Variants in RELN observed in about 807,000 individuals in gnomAD.
RELN encodes reelin.
RELN carries 108 observed loss-of-function variants against 427.6 expected under a neutral mutation model. The ratio of observed to expected loss-of-function variants is 0.25; its 90% CI spans 0.22 to 0.30. The LOEUF (loss-of-function observed/expected upper bound fraction) is 0.30, where lower values mean the gene tolerates loss of function less well. Among genes scored for constraint, RELN ranks in the 10% least tolerant of loss-of-function variants. RELN has a pLI of 1.00. For synonymous variants in RELN, 1,524 were observed against 1,513.4 expected (o/e 1.01, Z -0.16); for missense variants, 3,715 against 4,302.8 (o/e 0.86, Z 3.82).
chr7:103,907,480 T>C (rs1795239471), intron 2 of RELN, among the ~76,000 whole-genome samples: 2 of 142,522 alleles, frequency 1.4e-5, no homozygotes, highest in East Asian at 4.1e-4. Flanking sequence ...ATGGTTCCAC[T>C]TAAATGAAAT....
At chr7:103,627,168 A>G (rs951521698) in intron 20 of RELN, among the ~76,000 whole-genome samples, 1 of 152,094 alleles carries the variant, frequency 6.6e-6, no homozygotes, top group African/African-American at 2.4e-5. Flanking sequence ...GTAAGACCAC[A>G]TATATATTTC....
At chr7:103,516,331 G>A (rs902587020) in intron 49 of RELN, among the ~76,000 whole-genome samples, 2 of 145,006 alleles carry the variant, frequency 1.4e-5, no homozygotes, top group Admixed American at 7.0e-5. Context: ...TGTTGCCCAC[G>A]CTGGAGTACA....
chr7:103,913,976 T>C (rs928999641), intron 2 of RELN, among the ~76,000 whole-genome samples: 1 of 152,208 alleles, frequency 6.6e-6, no homozygotes, highest in Non-Finnish European at 1.5e-5. Context: ...AAGTCGCTGA[T>C]GGGCTCTGCC....
intron 46 of RELN, among the ~76,000 whole-genome samples, chr7:103,525,871 G>A (rs1248507165): frequency 7.2e-5 from 11 of 152,116 alleles, no homozygotes; most frequent in Non-Finnish European, 4.4e-5. Context: ...TGTATTAAAA[G>A]TGCCTATTCA....
intron 20 of RELN, among the ~76,000 whole-genome samples, chr7:103,613,393 A>G (rs1832007518): frequency 1.3e-5 from 2 of 152,208 alleles, no homozygotes; most frequent in African/African-American, 4.8e-5. Context: ...AAAATATAAA[A>G]CCATGATTGC....
rs574280929 is a variant in RELN at position 103,665,709 on chromosome 7, A to T, written c.1290-4182T>A. ...GGTATAGGTTTATTTTATTTATTCT[A>T]TGGAAACTTGGTGTACCTTGTCAGT... On this transcript the variant is annotated intron_variant, in intron 11 of 64. Transcript: ENST00000428762. 9.2e-5 allele frequency among the ~76,000 whole-genome samples: 14 copies of T among 152,174 alleles called. No individual in the cohort carries two copies. The East Asian group carries it at 2.7e-3, about 29-fold the overall frequency.
intron 1 of RELN, among the ~76,000 whole-genome samples, chr7:103,973,898 T>C (rs1584412859): frequency 6.6e-6 from 1 of 152,286 alleles, no homozygotes; most frequent in East Asian, 1.9e-4. Context: ...ATCCCAGCAC[T>C]TTGGGACGCC....
At chr7:103,926,373 C>T (rs1048838484) in intron 1 of RELN, among the ~76,000 whole-genome samples, 8 of 152,002 alleles carry the variant, frequency 5.3e-5, no homozygotes, top group African/African-American at 1.5e-4. Context: ...CGATTACAGG[C>T]GTGAGCCACT....
At chr7:103,934,956 A>G (rs1006739079) in intron 1 of RELN, among the ~76,000 whole-genome samples, 4 of 152,202 alleles carry the variant, frequency 2.6e-5, no homozygotes, top group Non-Finnish European at 5.9e-5. Context: ...GTTTAAATAG[A>G]ACAACTAGCA....
At chr7:103,736,923 G>A (rs904238292) in intron 6 of RELN, among the ~76,000 whole-genome samples, 1 of 152,060 alleles carries the variant, frequency 6.6e-6, no homozygotes, top group Non-Finnish European at 1.5e-5. Flanking sequence ...GGGGAATGAG[G>A]GGGAGGAAGC....
At chr7:103,585,706 T>A (rs1359949380) in intron 28 of RELN, among the ~76,000 whole-genome samples, 2 of 152,016 alleles carry the variant, frequency 1.3e-5, no homozygotes, top group African/African-American at 4.8e-5. Flanking sequence ...CCTAACTCAA[T>A]CTATAAAACC....
intron 41 of RELN, among the ~76,000 whole-genome samples, chr7:103,547,312 T>A (rs1830318700): frequency 6.6e-6 from 1 of 152,204 alleles, no homozygotes; most frequent in African/African-American, 2.4e-5. Flanking sequence ...AACCCTAATT[T>A]CATTGTTCCA....
chr7:103,521,040 A>C (rs10249128), intron 48 of RELN, among the ~76,000 whole-genome samples: 38,606 of 140,062 alleles, frequency 0.28, 6,231 homozygotes, highest in African/African-American at 0.47. Context: ...GCAGTGGCGC[A>C]ATCTCGGCTC....
chr7:103,509,737 C>A (rs1829336703), intron 51 of RELN, among the ~76,000 whole-genome samples: 1 of 151,760 alleles, frequency 6.6e-6, no homozygotes, highest in South Asian at 2.1e-4. Flanking sequence ...GAAAAATTTG[C>A]AATCTATCCA....
intron 2 of RELN, among the ~76,000 whole-genome samples, chr7:103,851,529 T>C (rs761512677): frequency 4.6e-5 from 7 of 152,178 alleles, no homozygotes; most frequent in Non-Finnish European, 8.8e-5. Flanking sequence ...TTACGTTATA[T>C]GCAAGCAAGC....
intron 2 of RELN, among the ~76,000 whole-genome samples, chr7:103,846,067 TAGAA>T (rs1793667458): frequency 6.6e-6 from 1 of 152,126 alleles, no homozygotes; most frequent in Non-Finnish European, 1.5e-5. Flanking sequence ...TCCACAGAAT[TAGAA>T]AGAAACTATT....
intron 12 of RELN, among the ~76,000 whole-genome samples, chr7:103,659,462 T>C (rs1833091917): frequency 1.3e-5 from 2 of 152,158 alleles, no homozygotes; most frequent in South Asian, 4.1e-4. Flanking sequence ...CTTATCTATA[T>C]TGGGAAAATC....
Position 103,637,088 on chromosome 7 carries a change from C to T in RELN, c.2070-620G>A, listed in dbSNP as rs138270633. Among the ~76,000 whole-genome samples the T allele has an allele frequency of 8.1e-4, 124 of 152,258 alleles. 1 individual carries two copies. The East Asian group carries it at 0.023, about 28-fold the overall frequency. ...AAACAAACCTTTCCCCACTCCCCAA[C>T]AACCTGCTTGCTTCTATGTAAGAAT... On this transcript the variant is annotated intron_variant, in intron 17 of 64. Coordinates refer to ENST00000428762, the MANE Select transcript of RELN (RefSeq NM_005045.4).
intron 1 of RELN, among the ~76,000 whole-genome samples, chr7:103,960,666 A>T (rs936209852): frequency 5.3e-5 from 8 of 152,188 alleles, no homozygotes; most frequent in South Asian, 2.1e-4. Flanking sequence ...AAGAAAAAAA[A>T]TTGTTTATAT....
Sources: allele counts gnomAD v4.1 joint callset (sites outside exome capture counted in the v4.1 genomes callset), GRCh38; gene constraint gnomAD v4.1.1; transcripts MANE v1.5; gene names NCBI Gene and HGNC (gene_info 2026-07-23, HGNC 2026-07-21).